The following PRKCE variants were observed in gnomAD, a reference collection of about 807,000 sequenced individuals.
PRKCE encodes the protein protein kinase C epsilon, also known as protein kinase C epsilon type.
In PRKCE, 16 loss-of-function variants were observed where a neutral mutation model predicts 85.4. That is an observed-to-expected ratio of 0.19 (90% confidence interval 0.13 to 0.28). The LOEUF is 0.28. PRKCE is among the 10% of genes least tolerant of loss of function. The probability of loss-of-function intolerance (pLI) is 1.00; values close to 1 mark genes in which losing one functional copy is unlikely to be tolerated. For missense variants in PRKCE, 573 were observed against 975.2 expected (o/e 0.59, Z 5.49); for synonymous variants, 388 against 371.5 (o/e 1.04, Z -0.51).
At chr2:45,801,405 G>C (rs1238204988) in intron 1 of PRKCE, among the ~76,000 whole-genome samples, 1 of 152,124 alleles carries the variant, frequency 6.6e-6, no homozygotes, top group Non-Finnish European at 1.5e-5. Flanking sequence ...TTCAGGCCAA[G>C]GGTTGCAAAA....
In PRKCE at chr2:45,700,873, GAC is replaced by G. The variant is rs148579954; in HGVS notation, c.348+48429_348+48430del. 1.4e-3 allele frequency among the ~76,000 whole-genome samples: 206 copies of G among 152,322 alleles called. 6 individuals carry two copies. The East Asian group carries it at 0.027, about 20-fold the overall frequency. On this transcript the variant is annotated intron_variant, in intron 1 of 14. Coordinates refer to ENST00000306156, the MANE Select transcript of PRKCE (RefSeq NM_005400.3). The stretch of plus-strand genomic sequence containing the variant: ...GGGAGAGGGCGGCCCCGTGAGGACA[GAC>G]ACAGAGATAGGAGCTGTGCTCCCGT...
chr2:45,888,920 G>A (rs1259901905), intron 2 of PRKCE, among the ~76,000 whole-genome samples: 1 of 152,182 alleles, frequency 6.6e-6, no homozygotes, highest in Non-Finnish European at 1.5e-5. Flanking sequence ...AATCAAAAGT[G>A]GGGAGACCTT....
chr2:45,930,166 C>G (rs1194155654), intron 2 of PRKCE, among the ~76,000 whole-genome samples: 2 of 152,120 alleles, frequency 1.3e-5, no homozygotes, highest in Non-Finnish European at 2.9e-5. Flanking sequence ...GTGCGACACC[C>G]CACAAATGAG....
intron 1 of PRKCE, among the ~76,000 whole-genome samples, chr2:45,769,846 T>C (rs1478548954): frequency 6.6e-6 from 1 of 152,244 alleles, no homozygotes; most frequent in African/African-American, 2.4e-5. Context: ...TCCAGCACCC[T>C]GGTTAAAACA....
intron 2 of PRKCE, among the ~76,000 whole-genome samples, chr2:45,939,793 T>C (rs1318769399): frequency 6.6e-6 from 1 of 152,202 alleles, no homozygotes; most frequent in Non-Finnish European, 1.5e-5. Flanking sequence ...GACCTCATGA[T>C]CTGCCTGCCT....
In PRKCE at chr2:46,001,306, A is replaced by T. The variant is rs1391037478; in HGVS notation, c.824-98A>T. ...TTTCCAAATTATATCTTAAATGAAC[A>T]TGTAATACTTCATGAACATATAATA... On this transcript the variant is annotated intron_variant, in intron 6 of 14. Transcript: ENST00000306156. This position sits in a 1 kb window ranked among gnomAD's most constrained non-coding sequence, Gnocchi z 4.4. The T allele has an allele frequency of 2.7e-6, 3 of 1,119,456 alleles. No homozygotes were observed. Among genetic ancestry groups the T allele is most frequent in the African/African-American group, 1.6e-5 (1 of 61,562 alleles). The allele number at this position is 1,119,456 out of a possible 1,614,324, so 69.3% of individuals were successfully genotyped here.
intron 2 of PRKCE, among the ~76,000 whole-genome samples, chr2:45,873,857 A>C (rs549891538): frequency 1.3e-5 from 2 of 152,316 alleles, no homozygotes; most frequent in South Asian, 4.1e-4. Context: ...ACTCCGCCCC[A>C]AAAAAACCAA....
chr2:45,728,566 C>T (rs116616290), intron 1 of PRKCE, among the ~76,000 whole-genome samples: 2,084 of 152,210 alleles, frequency 0.014, 42 homozygotes, highest in African/African-American at 0.048. Context: ...CCACGTGCCG[C>T]TGGAATCTTT....
chr2:45,940,621 C>G (rs960218420), intron 2 of PRKCE, among the ~76,000 whole-genome samples: 1 of 152,128 alleles, frequency 6.6e-6, no homozygotes, highest in Non-Finnish European at 1.5e-5. Flanking sequence ...CACACATACA[C>G]TCTGTTCACA....
chr2:46,051,488 C>T (rs892667000), intron 10 of PRKCE, among the ~76,000 whole-genome samples: 1 of 152,156 alleles, frequency 6.6e-6, no homozygotes, highest in Non-Finnish European at 1.5e-5. Flanking sequence ...AAGAGAGTGC[C>T]CTTGCCATTC....
chr2:45,875,903 C>A (rs959436553), intron 2 of PRKCE, among the ~76,000 whole-genome samples: 1 of 152,152 alleles, frequency 6.6e-6, no homozygotes, highest in Middle Eastern at 3.2e-3. Flanking sequence ...GATGTCCAGT[C>A]CTCAGAAAAT....
In PRKCE at chr2:45,761,080, C is replaced by T. The variant is rs573485975; in HGVS notation, c.349-81920C>T. On this transcript the variant is annotated intron_variant, in intron 1 of 14. Transcript: ENST00000306156. The stretch of plus-strand genomic sequence containing the variant: ...TGGTGGCTCACGCCTGTAATCCCAG[C>T]ACTTTGGGAGGCCAAGGTGGGCGGA... Among the ~76,000 whole-genome samples, 31 of 152,188 alleles carry T rather than the reference C, an allele frequency of 2.0e-4. No individual in the cohort carries two copies. In the South Asian group the frequency reaches 5.6e-3, roughly 28 times the overall value.
intron 1 of PRKCE, among the ~76,000 whole-genome samples, chr2:45,754,442 A>G (rs1683838396): frequency 6.6e-6 from 1 of 152,146 alleles, no homozygotes; most frequent in Non-Finnish European, 1.5e-5. Flanking sequence ...TGTTTGGGGT[A>G]TGCACTTTAT....
At chr2:45,984,817 C>T in intron 6 of PRKCE, 137 bp downstream of exon 6, 1 of 1,242,758 alleles carries the variant, frequency 8.0e-7, no homozygotes, top group Non-Finnish European at 1.1e-6. Flanking sequence ...GTTAATCCTG[C>T]ATTAGTAACT....
At chr2:45,991,421 C>T (rs1366092601) in intron 6 of PRKCE, among the ~76,000 whole-genome samples, 1 of 152,216 alleles carries the variant, frequency 6.6e-6, no homozygotes, top group South Asian at 2.1e-4. Context: ...TGCCTGCACA[C>T]TGACATCCAA....
rs1680327723 is a variant in PRKCE, at chr2:46,184,693, G to A, written c.2068-42G>A. Reference sequence around the variant, plus strand: ...CTCCCCATGGGGGGCCCTCAGGAGGGAGAGCAGCCTCAACTCACCACTTTC... The same window carrying A: ...CTCCCCATGGGGGGCCCTCAGGAGGAAGAGCAGCCTCAACTCACCACTTTC... On this transcript the variant is annotated intron_variant, in intron 14 of 14. Transcript: ENST00000306156. The surrounding 1 kb of genome is among the most constrained non-coding windows in gnomAD (Gnocchi z 5.0). 1 of 1,591,234 alleles carries A rather than the reference G, an allele frequency of 6.3e-7. No individual in the cohort carries two copies. The highest frequency in any genetic ancestry group is 1.3e-5 in the African/African-American group (1 of 74,858).
At chr2:45,798,641 T>C (rs1486713782) in intron 1 of PRKCE, among the ~76,000 whole-genome samples, 1 of 152,226 alleles carries the variant, frequency 6.6e-6, no homozygotes, top group Non-Finnish European at 1.5e-5. Flanking sequence ...AGTTGCATAT[T>C]TAATGGGAAT....
intron 1 of PRKCE, among the ~76,000 whole-genome samples, chr2:45,701,911 G>A (rs1203054429): frequency 6.6e-6 from 1 of 152,126 alleles, no homozygotes; most frequent in African/African-American, 2.4e-5. Flanking sequence ...TACAAAGATG[G>A]GCCAGGCGCG....
At position 45,774,611 on chromosome 2, in the gene PRKCE, G is replaced by T. The variant is rs938199529; in HGVS notation, c.349-68389G>T. The stretch of plus-strand genomic sequence containing the variant: ...GACTGTACAGAGCAGGCAGCCTGTG[G>T]GGTAGGGTTGCACTGAGAGGGGTAT... On this transcript the variant is annotated intron_variant, in intron 1 of 14. Coordinates refer to ENST00000306156, the MANE Select transcript of PRKCE (RefSeq NM_005400.3). This position sits in a 1 kb window ranked among gnomAD's most constrained non-coding sequence, Gnocchi z 4.3. Among the ~76,000 whole-genome samples the T allele has an allele frequency of 6.6e-6, 1 of 152,160 alleles. No individual in the cohort carries two copies. The highest frequency in any genetic ancestry group is 1.5e-5 in the Non-Finnish European group (1 of 68,036).
Sources: allele counts gnomAD v4.1 joint callset (sites outside exome capture counted in the v4.1 genomes callset), GRCh38; gene constraint gnomAD v4.1.1; non-coding constraint Gnocchi (gnomAD v3.1); transcripts MANE v1.5; gene names NCBI Gene and HGNC (gene_info 2026-07-23, HGNC 2026-07-21).